The following NFIB variants were observed in gnomAD, a reference collection of about 807,000 sequenced individuals.
The protein encoded by NFIB is nuclear factor 1 B-type.
In NFIB, 11 loss-of-function variants were observed where a neutral mutation model predicts 61.5. The ratio of observed to expected loss-of-function variants is 0.18; its 90% CI spans 0.11 to 0.30. The LOEUF is 0.30. NFIB is among the 10% of genes least tolerant of loss of function. NFIB has a pLI of 1.00. For synonymous variants in NFIB, 260 were observed against 216.5 expected, an observed-to-expected ratio of 1.20 and a Z score of -1.76; for missense variants, 471 against 608.9, an observed-to-expected ratio of 0.77 and a Z score of 2.38.
At chr9:14,392,861 T>G (rs1211636603) in intron 1 of NFIB, among the ~76,000 whole-genome samples, 2 of 152,234 alleles carry the variant, frequency 1.3e-5, no homozygotes, top group African/African-American at 4.8e-5. Context: ...TGGTTAGCAT[T>G]ATTAAGCAGG....
At chr9:14,148,846 A>T (rs1289572450) in intron 5 of NFIB, among the ~76,000 whole-genome samples, 1 of 152,214 alleles carries the variant, frequency 6.6e-6, no homozygotes, top group Non-Finnish European at 1.5e-5. Context: ...CTTCCCAAAG[A>T]ATCCAAAGTT....
upstream of NFIB, among the ~76,000 whole-genome samples, chr9:14,315,730 C>G (rs924913407): frequency 6.6e-6 from 1 of 151,766 alleles, no homozygotes; most frequent in Non-Finnish European, 1.5e-5. Flanking sequence ...TGCACCCTTT[C>G]TGCACCCCCC....
the NFIB span, among the ~76,000 whole-genome samples, chr9:14,443,041 C>G: frequency 9.6e-5 from 12 of 125,196 alleles, no homozygotes; most frequent in Admixed American, 3.5e-4. Context: ...CACCCGCCCC[C>G]CCGCCATGAC....
At chr9:14,230,773 A>C (rs1036616800) in intron 2 of NFIB, among the ~76,000 whole-genome samples, 6 of 152,116 alleles carry the variant, frequency 3.9e-5, no homozygotes, top group Admixed American at 1.3e-4. Flanking sequence ...CAGAGAGAAA[A>C]GTGAGAAACA....
At position 14,187,209 on chromosome 9, in the gene NFIB, ATCACTTTG is replaced by A. The variant is rs1267446351; in HGVS notation, c.563-7437_563-7430del. On this transcript the variant is annotated intron_variant, in intron 2 of 10. Coordinates refer to ENST00000380953, the MANE Select transcript of NFIB (RefSeq NM_001190737.2). ...GCTGTTCATGAAAAGTTTTAACTTT[ATCACTTTG>A]TTAATGGAATCCCTGATCTTGTTTG... is the stretch of plus-strand genomic sequence containing the variant. Among the ~76,000 whole-genome samples the A allele has an allele frequency of 3.3e-5, 5 of 152,216 alleles. No individual in the cohort carries two copies. The East Asian group carries it at 9.7e-4, about 29-fold the overall frequency.
chr9:14,504,794 T>A, the NFIB span, among the ~76,000 whole-genome samples: 1 of 152,140 alleles, frequency 6.6e-6, no homozygotes, highest in Non-Finnish European at 1.5e-5. Context: ...CAGTTTGACT[T>A]CCTCTATACT....
the NFIB span, among the ~76,000 whole-genome samples, chr9:14,506,354 G>A: frequency 5.3e-5 from 8 of 152,072 alleles, 1 homozygote; most frequent in African/African-American, 1.4e-4. Context: ...CTAGGTGCTC[G>A]GGAGGACGGA....
the NFIB span, among the ~76,000 whole-genome samples, chr9:14,529,394 A>G: frequency 6.6e-6 from 1 of 152,188 alleles, no homozygotes; most frequent in African/African-American, 2.4e-5. Context: ...GAAGGACACA[A>G]TATCCTTTCT....
intron 6 of NFIB, among the ~76,000 whole-genome samples, chr9:14,142,645 G>GA (rs2041871290): frequency 2.6e-5 from 4 of 151,166 alleles, no homozygotes; most frequent in Admixed American, 6.6e-5. Flanking sequence ...TGACTCAGAT[G>GA]GAAAAAAAAA....
At chr9:14,316,990 CCTT>C (rs1292224095), upstream of NFIB, 2 of 152,004 alleles carry the variant, frequency 1.3e-5, no homozygotes, top group Non-Finnish European at 2.9e-5. Context: ...GCCCATCTCT[CCTT>C]CTCTCCCTCC....
intron 2 of NFIB, among the ~76,000 whole-genome samples, chr9:14,246,499 T>A (rs2054943617): frequency 6.6e-6 from 1 of 152,200 alleles, no homozygotes; most frequent in South Asian, 2.1e-4. Context: ...CTGCATTGTG[T>A]CCTCCTCTGA....
intron 2 of NFIB, among the ~76,000 whole-genome samples, chr9:14,218,688 T>A (rs1411436147): frequency 2.0e-5 from 3 of 152,196 alleles, no homozygotes; most frequent in Non-Finnish European, 4.4e-5. Context: ...CCAGATTTGG[T>A]TGGGGGTTTG....
chr9:14,448,734 G>C, the NFIB span, among the ~76,000 whole-genome samples: 32 of 152,146 alleles, frequency 2.1e-4, no homozygotes, highest in Non-Finnish European at 4.1e-4. Context: ...GCTGTGTACG[G>C]TGGTAACAGC....
intron 1 of NFIB, among the ~76,000 whole-genome samples, chr9:14,321,206 A>C (rs561934808): frequency 6.6e-6 from 1 of 152,292 alleles, no homozygotes; most frequent in Admixed American, 6.5e-5. Context: ...TGGGGAAAAG[A>C]AGACAAGGAG....
chr9:14,446,312 A>G, the NFIB span, among the ~76,000 whole-genome samples: 2,109 of 152,276 alleles, frequency 0.014, 22 homozygotes, highest in Non-Finnish European at 0.023. Context: ...CTTAGCCATT[A>G]TCTCTTCAGA....
At chr9:14,408,464 C>A in the NFIB span, among the ~76,000 whole-genome samples, 8 of 152,072 alleles carry the variant, frequency 5.3e-5, no homozygotes, top group African/African-American at 1.9e-4. Flanking sequence ...TTCTAGCCAT[C>A]ACACCCAAGT....
upstream of NFIB, among the ~76,000 whole-genome samples, chr9:14,400,948 G>C (rs902028121): frequency 2.0e-5 from 3 of 152,278 alleles, no homozygotes; most frequent in Non-Finnish European, 4.4e-5. Flanking sequence ...ACCACTCCTC[G>C]GGCCAGAGTA....
At chr9:14,161,443 C>T (rs962221596) in intron 3 of NFIB, among the ~76,000 whole-genome samples, 2 of 151,782 alleles carry the variant, frequency 1.3e-5, no homozygotes, top group African/African-American at 4.8e-5. Context: ...AACTTTAACA[C>T]GCCCTGATAG....
intron 1 of NFIB, among the ~76,000 whole-genome samples, chr9:14,374,489 A>G (rs1009769454): frequency 6.6e-6 from 1 of 152,216 alleles, no homozygotes; most frequent in African/African-American, 2.4e-5. Context: ...ATGATTATTA[A>G]TTGAGGTTTC....
Sources: gnomAD v4.1 joint callset for allele counts (sites outside exome capture counted in the v4.1 genomes callset) on GRCh38, gnomAD v4.1.1 for gene constraint, MANE v1.5 for transcripts, NCBI Gene and HGNC (gene_info 2026-07-23, HGNC 2026-07-21) for gene names.